Variants in SCARA5 observed in about 807,000 individuals in gnomAD.
The protein encoded by SCARA5 is scavenger receptor class A, member 5 (putative).
A neutral mutation model predicts 46.3 loss-of-function variants in SCARA5; 45 were observed. That is an observed-to-expected ratio of 0.97 (90% CI 0.76 to 1.24). SCARA5 has a LOEUF of 1.24. SCARA5 is among the 50% of genes most tolerant of loss of function. The pLI is 0.00. For synonymous variants in SCARA5, 333 were observed against 306.5 expected (o/e 1.09, Z -0.90); for missense variants, 680 against 689.0 (o/e 0.99, Z 0.15).
intron 2 of SCARA5, among the ~76,000 whole-genome samples, chr8:27,973,551 G>T (rs1051237752): frequency 6.6e-6 from 1 of 152,100 alleles, no homozygotes; most frequent in Admixed American, 6.5e-5. Context: ...GCTTCTTTGT[G>T]CCCATGCAGG....
chr8:27,981,145 G>A (rs1042295621), intron 2 of SCARA5, among the ~76,000 whole-genome samples: 3 of 152,174 alleles, frequency 2.0e-5, no homozygotes, highest in Non-Finnish European at 2.9e-5. Context: ...AATGCCTGTG[G>A]GGTTAGTAAC....
intron 7 of SCARA5, among the ~76,000 whole-genome samples, chr8:27,886,689 C>T (rs568682367): frequency 3.3e-5 from 5 of 152,192 alleles, no homozygotes; most frequent in Non-Finnish European, 5.9e-5. Flanking sequence ...CTGAGAAGGA[C>T]GTCATCATTT....
chr8:27,892,803 TC>T (rs1807007712), intron 7 of SCARA5, among the ~76,000 whole-genome samples: 1 of 152,144 alleles, frequency 6.6e-6, no homozygotes, highest in African/African-American at 2.4e-5. Flanking sequence ...AGATGGGGTT[TC>T]ACCGTGTTAG....
At chr8:27,945,473 G>C (rs1009239674) in intron 3 of SCARA5, among the ~76,000 whole-genome samples, 2 of 152,212 alleles carry the variant, frequency 1.3e-5, no homozygotes, top group Admixed American at 1.3e-4. Context: ...TTTGGGTTCT[G>C]ATTCCGCATT....
rs561922742 is a variant in SCARA5 at position 27,985,991 on chromosome 8, G to A, written c.112+1513C>T. Among the ~76,000 whole-genome samples, 4 of 152,330 alleles carry A rather than the reference G, an allele frequency of 2.6e-5. No individual in the cohort carries two copies. The East Asian group carries it at 7.7e-4, about 29-fold the overall frequency. On this transcript the variant is annotated intron_variant, in intron 2 of 8. Coordinates refer to ENST00000354914, the MANE Select transcript of SCARA5 (RefSeq NM_173833.6). ...CTAGGAAGTGGGTATGGTGGTCCCA[G>A]GGACATCTGACCCCTCCCACCCCTG...
intron 7 of SCARA5, among the ~76,000 whole-genome samples, chr8:27,892,149 C>T (rs1267246811): frequency 2.0e-5 from 3 of 152,200 alleles, no homozygotes; most frequent in African/African-American, 7.2e-5. Flanking sequence ...CACAAAGAGA[C>T]TGAGAGGCAG....
intron 2 of SCARA5, among the ~76,000 whole-genome samples, chr8:27,970,096 AC>A (rs1808426534): frequency 6.6e-6 from 1 of 151,992 alleles, no homozygotes; most frequent in Non-Finnish European, 1.5e-5. Context: ...CTTCTGGCTC[AC>A]CCTTTCTCTC....
intron 2 of SCARA5, among the ~76,000 whole-genome samples, chr8:27,971,805 C>T (rs113231450): frequency 3.2e-4 from 48 of 149,304 alleles, no homozygotes; most frequent in Admixed American, 1.9e-3. Flanking sequence ...GTGTGGAGCA[C>T]GTGGCTGCTT....
intron 7 of SCARA5, among the ~76,000 whole-genome samples, chr8:27,892,317 TCTC>T (rs1329175113): frequency 3.9e-5 from 6 of 152,106 alleles, no homozygotes; most frequent in Non-Finnish European, 7.4e-5. Flanking sequence ...TTATCCCAAA[TCTC>T]CTTGCATATC....
At chr8:27,935,764 A>AG (rs1807845226) in intron 3 of SCARA5, among the ~76,000 whole-genome samples, 1 of 151,998 alleles carries the variant, frequency 6.6e-6, no homozygotes, top group Non-Finnish European at 1.5e-5. Context: ...CCCAGCAGAT[A>AG]GGGGGAGAGC....
chr8:27,908,139 G>A (rs532844901), intron 5 of SCARA5, among the ~76,000 whole-genome samples: 1 of 133,826 alleles, frequency 7.5e-6, no homozygotes, highest in East Asian at 2.3e-4. Flanking sequence ...AGGGCTTACT[G>A]GTACTTAGGG....
intron 7 of SCARA5, among the ~76,000 whole-genome samples, chr8:27,882,632 A>G (rs1325858290): frequency 6.6e-6 from 1 of 152,174 alleles, no homozygotes; most frequent in Non-Finnish European, 1.5e-5. Context: ...AGCCAGAGAG[A>G]GCCAGTTGGG....
chr8:27,966,278 C>T, intron 3 of SCARA5, 136 bp downstream of exon 3: 1 of 891,570 alleles, frequency 1.1e-6, no homozygotes, highest in East Asian at 2.8e-5. Context: ...TACTGAAGAG[C>T]TTCTTCCTTC....
chr8:27,922,131 G>A lies in SCARA5; in HGVS notation c.356C>T (p.Ala119Val), dbSNP rs111374395. 396 of 1,606,608 alleles carry A rather than the reference G, an allele frequency of 2.5e-4. 3 individuals are homozygous for A. The African/African-American group carries it at 4.8e-3, about 19-fold the overall frequency. The change falls in exon 4 of 9, where the codon GCG becomes GTG. Residue 119 changes from alanine to valine, a missense_variant. By Grantham distance (64) the Ala-to-Val change is moderately conservative. Coordinates refer to ENST00000354914, the MANE Select transcript of SCARA5 (RefSeq NM_173833.6). Reference protein sequence around the residue: ...QLRLLQAPLQADLTEQVWKVQ... With the variant: ...QLRLLQAPLQVDLTEQVWKVQ... ...CTTCCACACCTGCTCCGTCAGGTCC[G>A]CTTGCAGCGGAGCCTGCAGCAGCCG...
At chr8:27,922,325 C>G in intron 3 of SCARA5, 80 bp from the exon 4 acceptor site, 1 of 1,002,538 alleles carries the variant, frequency 1.0e-6, no homozygotes, top group Non-Finnish European at 1.4e-6. Context: ...CCAGTCAGAG[C>G]CTGGCATGCA....
At chr8:27,891,199 G>GTTTTTTT (rs1211256366) in intron 7 of SCARA5, among the ~76,000 whole-genome samples, 1 of 43,454 alleles carries the variant, frequency 2.3e-5, no homozygotes, top group Non-Finnish European at 7.3e-5. Flanking sequence ...CAATAGGTTT[G>GTTTTTTT]TTTTTTTTTT....
chr8:27,987,539 C>A lies in SCARA5; in HGVS notation c.77G>T (p.Gly26Val), dbSNP rs756461922. ...CAGGTTCAGCTTGGACAGGCTCCTG[C>A]CATCAAAGGAATCCTCACAGATGGA... ...TSSICEDSFD[G>V]RSLSKLNLCE... The change falls in exon 2 of 9, where the codon GGC becomes GTC. Residue 26 changes from glycine (G) to valine (V), a missense_variant. By Grantham distance (109) the Gly-to-Val change is moderately radical. This residue lies in a region of SCARA5 where 23 missense variants were observed against 35.0 expected (regional missense o/e 0.66). Transcript: ENST00000354914. 1 of 1,614,016 alleles carries A rather than the reference C, an allele frequency of 6.2e-7. No individual in the cohort carries two copies. The highest frequency in any genetic ancestry group is 1.1e-5 in the South Asian group (1 of 91,076).
chr8:27,987,948 G>A (rs1245379790), intron 1 of SCARA5, among the ~76,000 whole-genome samples: 2 of 152,196 alleles, frequency 1.3e-5, no homozygotes, highest in African/African-American at 4.8e-5. Flanking sequence ...GTCACTGTGG[G>A]TTACACTGGG....
intron 7 of SCARA5, among the ~76,000 whole-genome samples, chr8:27,891,606 T>C (rs959015678): frequency 6.6e-6 from 1 of 152,256 alleles, no homozygotes; most frequent in African/African-American, 2.4e-5. Flanking sequence ...AAGAATTTCC[T>C]GTATGTTCCA....
Sources: gnomAD v4.1 joint callset for allele counts (sites outside exome capture counted in the v4.1 genomes callset) on GRCh38, gnomAD v4.1.1 for gene constraint, gnomAD v4.1.1 regional missense constraint, MANE v1.5 for transcripts, NCBI Gene and HGNC (gene_info 2026-07-23, HGNC 2026-07-21) for gene names.